The following DNAL1 variants were observed in gnomAD, a reference collection of about 807,000 sequenced individuals.
The protein encoded by DNAL1 is dynein axonemal light chain 1.
A neutral mutation model predicts 29.4 loss-of-function variants in DNAL1; 17 were observed. The observed-to-expected ratio is 0.58, with a 90% CI of 0.40 to 0.87. DNAL1 has a LOEUF of 0.87. DNAL1 is among the 40% of genes least tolerant of loss of function. The pLI, the probability that DNAL1 is intolerant of heterozygous loss-of-function variation, is 0.00. For missense variants in DNAL1, 188 were observed against 214.1 expected (o/e 0.88, Z 0.76); for synonymous variants, 78 against 76.3 (o/e 1.02, Z -0.12).
intron 1 of DNAL1, among the ~76,000 whole-genome samples, chr14:73,648,417 T>TATATATATATATATATATATATATA (rs71112789): frequency 5.7e-4 from 76 of 132,638 alleles, no homozygotes; most frequent in East Asian, 8.3e-4. Context: ...TATATATATA[T>TATATATATATATATATATATATATA]TTGTTGTTTG....
At chr14:73,691,039 T>C (rs767594955) in intron 7 of DNAL1, among the ~76,000 whole-genome samples, 15 of 152,186 alleles carry the variant, frequency 9.9e-5, no homozygotes, top group Non-Finnish European at 1.9e-4. Flanking sequence ...CTCCTCCACT[T>C]AATAGTTTGT....
Position 73,696,077 on chromosome 14 carries a change from C to T in DNAL1, c.*135C>T. 1 of 793,666 alleles carries T rather than the reference C, an allele frequency of 1.3e-6. No homozygotes were observed. Among genetic ancestry groups the T allele is most frequent in the Non-Finnish European group, 1.9e-6 (1 of 521,728 alleles). 49.2% of individuals were successfully genotyped at this position (793,666 alleles called of 1,614,324 possible). The stretch of plus-strand genomic sequence containing the variant: ...GATAAAACAGATCACTCATTCTCAT[C>T]TTTTTTTTTCCTTTAACTTATTCAG... On this transcript the variant is annotated 3_prime_UTR_variant, in exon 8 of 8. Coordinates refer to ENST00000553645, the MANE Select transcript of DNAL1 (RefSeq NM_031427.4).
intron 5 of DNAL1, among the ~76,000 whole-genome samples, chr14:73,674,414 C>T (rs948892148): frequency 1.3e-5 from 2 of 152,134 alleles, no homozygotes; most frequent in African/African-American, 4.8e-5. Context: ...TACACCTCAG[C>T]TCAGATGTTG....
In DNAL1 at chr14:73,649,653, GA is replaced by G. The variant is rs1057161789; in HGVS notation, c.3+4614del. Among the ~76,000 whole-genome samples the G allele has an allele frequency of 7.6e-4, 116 of 152,230 alleles. 1 individual carries two copies. The highest frequency in any genetic ancestry group is 2.7e-3 in the African/African-American group (114 of 41,546). The stretch of plus-strand genomic sequence containing the variant: ...TAGGCCCACTTTGACCATTTTATTT[GA>G]AACTAACATCCTCCACACACATTTA... On this transcript the variant is annotated intron_variant, in intron 1 of 7. Coordinates refer to ENST00000553645, the MANE Select transcript of DNAL1 (RefSeq NM_031427.4).
At chr14:73,647,205 A>G (rs1890995692) in intron 1 of DNAL1, among the ~76,000 whole-genome samples, 1 of 151,850 alleles carries the variant, frequency 6.6e-6, no homozygotes, top group South Asian at 2.1e-4. Context: ...AAAAATAGAA[A>G]AAAAAAGAAA....
At chr14:73,670,919 G>A (rs1054223993) in intron 4 of DNAL1, among the ~76,000 whole-genome samples, 43 of 151,704 alleles carry the variant, frequency 2.8e-4, no homozygotes, top group Non-Finnish European at 4.4e-4. Flanking sequence ...TGTATTTTTA[G>A]TAGAGACGGG....
Position 73,703,584 on chromosome 14 carries a change from C to T in DNAL1, c.*7642C>T, listed in dbSNP as rs1365318530. ...TGAGAATGTACTTTGTGAGCTCCAC[C>T]CACTGTCTGCAAAACATTGCTCTTA... is the stretch of plus-strand genomic sequence containing the variant. On this transcript the variant is annotated 3_prime_UTR_variant, in exon 8 of 8. Coordinates refer to ENST00000553645, the MANE Select transcript of DNAL1 (RefSeq NM_031427.4). 6.6e-6 allele frequency: 1 copy of T among 152,260 alleles called. No homozygotes were observed. The highest frequency in any genetic ancestry group is 1.5e-5 in the Non-Finnish European group (1 of 68,072). The allele number at this position is 152,260 out of a possible 1,614,324, so 9.4% of individuals were successfully genotyped here.
chr14:73,692,073 C>T (rs1478917882), intron 7 of DNAL1, among the ~76,000 whole-genome samples: 2 of 150,558 alleles, frequency 1.3e-5, no homozygotes, highest in Non-Finnish European at 2.9e-5. Context: ...TCTCAACTCA[C>T]TGCAAGCTCC....
At chr14:73,688,553 A>G (rs548473543) in intron 6 of DNAL1, among the ~76,000 whole-genome samples, 5 of 152,218 alleles carry the variant, frequency 3.3e-5, no homozygotes, top group African/African-American at 9.6e-5. Context: ...AACCCAGGAG[A>G]CAGAGGTTGC....
chr14:73,682,533 T>C (rs1383295362), intron 5 of DNAL1, among the ~76,000 whole-genome samples: 1 of 151,914 alleles, frequency 6.6e-6, no homozygotes, highest in Non-Finnish European at 1.5e-5. Context: ...TTTAACTTTT[T>C]GACTTTTTTG....
chr14:73,694,237 T>TATAAATAA (rs56225198), intron 7 of DNAL1, among the ~76,000 whole-genome samples: 21,443 of 127,888 alleles, frequency 0.17, 2,206 homozygotes, highest in East Asian at 0.39. Context: ...AAGCCCTGTC[T>TATAAATAA]ATAAATAAAT....
intron 4 of DNAL1, among the ~76,000 whole-genome samples, chr14:73,667,154 C>CTT (rs879701423): frequency 1.4e-5 from 2 of 143,964 alleles, no homozygotes; most frequent in African/African-American, 2.5e-5. Context: ...TTGATTTTTT[C>CTT]TTTTTTTTTT....
At chr14:73,683,629 C>A (rs1458434214) in intron 5 of DNAL1, among the ~76,000 whole-genome samples, 1 of 151,886 alleles carries the variant, frequency 6.6e-6, no homozygotes, top group Non-Finnish European at 1.5e-5. Flanking sequence ...CCCCACCCCC[C>A]TCTCCAGTCT....
At chr14:73,666,960 C>CTT (rs369816401) in intron 4 of DNAL1, among the ~76,000 whole-genome samples, 1 of 144,448 alleles carries the variant, frequency 6.9e-6, no homozygotes, top group Non-Finnish European at 1.5e-5. Flanking sequence ...TATCCCTTCT[C>CTT]TTTTTTTTTT....
chr14:73,647,986 T>G (rs1307511780), intron 1 of DNAL1, among the ~76,000 whole-genome samples: 1 of 152,132 alleles, frequency 6.6e-6, no homozygotes, highest in Non-Finnish European at 1.5e-5. Flanking sequence ...TCTTCTTGTT[T>G]GTTCGTTTTG....
At position 73,664,871 on chromosome 14, in the gene DNAL1, TAA is replaced by T. The variant is rs961903598; in HGVS notation, c.208+2837_208+2838del. 3.3e-5 allele frequency among the ~76,000 whole-genome samples: 5 copies of T among 150,368 alleles called. No homozygotes were observed. The East Asian group carries it at 9.8e-4, about 29-fold the overall frequency. ...GCAAGACCTTGTCTAAAAAAAAAAA[TAA>T]AAAAAAATTACGAATGCCACGTGTG... On this transcript the variant is annotated intron_variant, in intron 4 of 7. Transcript: ENST00000553645.
intron 5 of DNAL1, among the ~76,000 whole-genome samples, chr14:73,681,396 A>G (rs1332505743): frequency 2.0e-5 from 3 of 150,582 alleles, no homozygotes; most frequent in Non-Finnish European, 4.4e-5. Context: ...CGGCCTCCCA[A>G]AGTGCTGGGA....
chr14:73,682,587 TTTTC>T (rs200312893), intron 5 of DNAL1, among the ~76,000 whole-genome samples: 541 of 151,942 alleles, frequency 3.6e-3, no homozygotes, highest in African/African-American at 0.011. Flanking sequence ...TATAAAAATA[TTTTC>T]TTTCTTTATT....
In DNAL1 at chr14:73,689,526, C is replaced by T. The variant is rs72721725; in HGVS notation, c.532+11C>T. The T allele has an allele frequency of 0.06, 95,186 of 1,586,552 alleles. 3,111 individuals are homozygous for T. Among genetic ancestry groups the T allele is most frequent in the Middle Eastern group, 0.12 (696 of 6,032 alleles). ...TGAAAAAGCTGGATGGTGAGTGATT[C>T]TGAGCTGGCTTAGACATATCTTCTA... On this transcript the variant is annotated intron_variant, in intron 7 of 7. Coordinates refer to ENST00000553645, the MANE Select transcript of DNAL1 (RefSeq NM_031427.4).
Sources: gnomAD v4.1 joint callset for allele counts (sites outside exome capture counted in the v4.1 genomes callset) on GRCh38, gnomAD v4.1.1 for gene constraint, MANE v1.5 for transcripts, NCBI Gene and HGNC (gene_info 2026-07-23, HGNC 2026-07-21) for gene names.